Variants in CSE1L observed in about 807,000 individuals in gnomAD.
CSE1L encodes chromosome segregation 1 like, also known as exportin-2.
Under a neutral mutation model 120.4 loss-of-function variants are expected in CSE1L, and 24 were observed. The observed-to-expected ratio is 0.20, with a 90% CI of 0.14 to 0.28. CSE1L has a LOEUF of 0.28. Among genes scored for constraint, CSE1L ranks in the 10% least tolerant of loss-of-function variants. The probability of loss-of-function intolerance (pLI) is 1.00; values close to 1 mark genes in which losing one functional copy is unlikely to be tolerated. For synonymous variants in CSE1L, 402 were observed against 398.3 expected (o/e 1.01, Z -0.11); for missense variants, 830 against 1,145.2 (o/e 0.72, Z 3.97).
intron 12 of CSE1L, among the ~76,000 whole-genome samples, chr20:49,076,722 G>A (rs1001897102): frequency 6.6e-6 from 1 of 150,962 alleles, no homozygotes; most frequent in South Asian, 2.1e-4. Context: ...GTAGAGACGG[G>A]GTTTTGCCAT....
At chr20:49,074,874 A>C in intron 11 of CSE1L, 24 bp downstream of exon 11, 1 of 1,587,134 alleles carries the variant, frequency 6.3e-7, no homozygotes, top group Non-Finnish European at 8.6e-7. Flanking sequence ...TTTTTTAGTT[A>C]CTAGTCTCTT....
At chr20:49,073,873 G>A (rs1435088167) in intron 10 of CSE1L, among the ~76,000 whole-genome samples, 1 of 152,086 alleles carries the variant, frequency 6.6e-6, no homozygotes, top group Admixed American at 6.5e-5. Flanking sequence ...GGACAATATA[G>A]CGTGAGATTT....
rs2091826627 is a variant in CSE1L at position 49,058,489 on chromosome 20, A to G, written c.26A>G (p.Gln9Arg). The G allele has an allele frequency of 1.9e-6, 3 of 1,613,814 alleles. No individual in the cohort carries two copies. Among genetic ancestry groups the G allele is most frequent in the Non-Finnish European group, 2.5e-6 (3 of 1,179,818 alleles). ...ATGGAACTCAGCGATGCAAATCTGC[A>G]AACACTAACAGAATATTTAAAGAAA... MELSDANLQTLTEYLKKTL... is the reference protein window; with the variant it reads MELSDANLRTLTEYLKKTL... The change falls in exon 2 of 25, where the codon CAA becomes CGA. Residue 9 changes from glutamine to arginine, a missense_variant. By Grantham distance (43) the Gln-to-Arg change is conservative. This residue lies in a region of CSE1L where 543 missense variants were observed against 640.2 expected (regional missense o/e 0.85). Transcript: ENST00000262982.
chr20:49,078,435 AAT>A, intron 13 of CSE1L, 124 bp from the exon 14 acceptor site: 1 of 627,368 alleles, frequency 1.6e-6, no homozygotes, highest in Non-Finnish European at 2.7e-6. Flanking sequence ...AGTAAATCAT[AAT>A]ATAATTAACT....
intron 16 of CSE1L, among the ~76,000 whole-genome samples, chr20:49,087,693 TTC>T (rs998191673): frequency 4.6e-4 from 70 of 152,180 alleles, no homozygotes; most frequent in African/African-American, 1.7e-3. Context: ...CCCCAAACAG[TTC>T]TCTCTCAGAC....
intron 14 of CSE1L, among the ~76,000 whole-genome samples, chr20:49,080,207 T>G (rs1019781501): frequency 5.3e-5 from 8 of 152,106 alleles, no homozygotes; most frequent in African/African-American, 1.7e-4. Flanking sequence ...TAGGTATACT[T>G]TCTGTTTCAT....
At chr20:49,076,374 T>A (rs1033398619) in intron 12 of CSE1L, among the ~76,000 whole-genome samples, 2 of 151,564 alleles carry the variant, frequency 1.3e-5, no homozygotes, top group Non-Finnish European at 2.9e-5. Context: ...GTAGTAGAGA[T>A]GGGGTTTCTC....
intron 16 of CSE1L, among the ~76,000 whole-genome samples, chr20:49,086,443 G>A (rs1444100635): frequency 3.8e-5 from 5 of 133,306 alleles, no homozygotes; most frequent in Non-Finnish European, 6.1e-5. Flanking sequence ...TCAGCTCACT[G>A]CAGCCTCACT....
intron 2 of CSE1L, among the ~76,000 whole-genome samples, chr20:49,060,992 A>G (rs2091848213): frequency 6.6e-6 from 1 of 152,110 alleles, no homozygotes. Context: ...GACTAGAATC[A>G]TGAACATGTT....
intron 6 of CSE1L, among the ~76,000 whole-genome samples, chr20:49,068,500 G>C (rs1417763667): frequency 6.6e-6 from 1 of 152,208 alleles, no homozygotes; most frequent in East Asian, 1.9e-4. Context: ...TTGGGAGGCT[G>C]AGGCAGGAGA....
At chr20:49,077,904 T>A (rs2091981797) in intron 13 of CSE1L, among the ~76,000 whole-genome samples, 1 of 152,026 alleles carries the variant, frequency 6.6e-6, no homozygotes, top group Non-Finnish European at 1.5e-5. Context: ...TTTGGGAGGC[T>A]GAGGCAGGAG....
chr20:49,063,638 T>C (rs910028097), intron 3 of CSE1L, among the ~76,000 whole-genome samples: 12 of 152,234 alleles, frequency 7.9e-5, no homozygotes, highest in African/African-American at 2.4e-4. Context: ...CATTTGAATT[T>C]ATATAAATTT....
chr20:49,082,220 T>TTA (rs1303629350), intron 14 of CSE1L, among the ~76,000 whole-genome samples: 1 of 152,136 alleles, frequency 6.6e-6, no homozygotes. Context: ...AATTTTTTTT[T>TTA]AGATGGAGTC....
At chr20:49,083,068 A>C (rs2092026257) in intron 14 of CSE1L, among the ~76,000 whole-genome samples, 1 of 146,744 alleles carries the variant, frequency 6.8e-6, no homozygotes, top group Admixed American at 7.0e-5. Flanking sequence ...TCTGTTGCCC[A>C]CGCTGGAGTG....
At chr20:49,067,507 C>T (rs908867417) in intron 6 of CSE1L, among the ~76,000 whole-genome samples, 2 of 152,092 alleles carry the variant, frequency 1.3e-5, no homozygotes, top group Non-Finnish European at 2.9e-5. Flanking sequence ...TGTTCCCTTT[C>T]TTAGGAATGT....
intron 2 of CSE1L, among the ~76,000 whole-genome samples, chr20:49,062,033 A>G (rs1298387057): frequency 6.6e-6 from 1 of 152,174 alleles, no homozygotes; most frequent in Non-Finnish European, 1.5e-5. Flanking sequence ...ACAGAAAGGA[A>G]CAGACTCAAA....
At chr20:49,083,479 G>C (rs911936081) in intron 14 of CSE1L, among the ~76,000 whole-genome samples, 1 of 152,144 alleles carries the variant, frequency 6.6e-6, no homozygotes. Context: ...TGCCCAGGCT[G>C]GTCTTGAGCT....
At chr20:49,080,261 A>ATTTTTTTTGTTTTTTTTT (rs2092001348) in intron 14 of CSE1L, among the ~76,000 whole-genome samples, 1 of 129,158 alleles carries the variant, frequency 7.7e-6, no homozygotes, top group Non-Finnish European at 1.7e-5. Flanking sequence ...GTTTTTTTTT[A>ATTTTTTTTGTTTTTTTTT]TTTTTTTTGT....
At chr20:49,047,561 TTTC>T (rs1443437185) in intron 1 of CSE1L, among the ~76,000 whole-genome samples, 51 of 123,022 alleles carry the variant, frequency 4.1e-4, no homozygotes, top group African/African-American at 1.5e-3. Flanking sequence ...TCTTTTCTCT[TTTC>T]TTTTTTTTTT....
Sources: gnomAD v4.1 joint callset for allele counts (sites outside exome capture counted in the v4.1 genomes callset) on GRCh38, gnomAD v4.1.1 for gene constraint, gnomAD v4.1.1 regional missense constraint, MANE v1.5 for transcripts, NCBI Gene and HGNC (gene_info 2026-07-23, HGNC 2026-07-21) for gene names.